SMYD3: variants seen among roughly 807,000 people sequenced by gnomAD.
SMYD3 encodes histone-lysine N-methyltransferase SMYD3.
Under a neutral mutation model 57.7 loss-of-function variants are expected in SMYD3, and 36 were observed. The observed-to-expected ratio is 0.62, with a 90% CI of 0.48 to 0.82. The LOEUF (loss-of-function observed/expected upper bound fraction) is 0.82, where lower values mean the gene tolerates loss of function less well. SMYD3 is among the 40% of genes least tolerant of loss of function. The pLI is 0.00. For synonymous variants in SMYD3, 211 were observed against 195.0 expected, an observed-to-expected ratio of 1.08 and a Z score of -0.68; for missense variants, 515 against 538.8, an observed-to-expected ratio of 0.96 and a Z score of 0.44.
chr1:245,841,665 AT>A (rs1478154594), intron 10 of SMYD3, among the ~76,000 whole-genome samples: 5 of 152,248 alleles, frequency 3.3e-5, no homozygotes, highest in African/African-American at 1.2e-4. Context: ...ATATAAAAAA[AT>A]AAAATGTAGT....
chr1:245,948,749 G>A (rs1572765835), intron 5 of SMYD3, among the ~76,000 whole-genome samples: 2 of 152,160 alleles, frequency 1.3e-5, no homozygotes, highest in African/African-American at 2.4e-5. Context: ...CAAGCCACTA[G>A]CAGTGACCCT....
chr1:245,830,012 TAAA>T (rs1558397293), intron 10 of SMYD3, among the ~76,000 whole-genome samples: 1 of 152,104 alleles, frequency 6.6e-6, no homozygotes, highest in Non-Finnish European at 1.5e-5. Flanking sequence ...TTGGGGGTGA[TAAA>T]AATGTTCTAA....
intron 8 of SMYD3, among the ~76,000 whole-genome samples, chr1:245,886,786 G>T (rs1291797718): frequency 6.6e-6 from 1 of 152,032 alleles, no homozygotes; most frequent in South Asian, 2.1e-4. Context: ...ACACACTCAC[G>T]TTTTTCTGGC....
chr1:245,867,678 ACACACACACACT>A (rs2051952779), intron 8 of SMYD3, among the ~76,000 whole-genome samples: 1 of 151,662 alleles, frequency 6.6e-6, no homozygotes, highest in African/African-American at 2.4e-5. Flanking sequence ...GCACACACAC[ACACACACACACT>A]CACACACACA....
chr1:245,783,179 C>T (rs1360065565), intron 10 of SMYD3, among the ~76,000 whole-genome samples: 2 of 152,046 alleles, frequency 1.3e-5, no homozygotes, highest in South Asian at 2.1e-4. Context: ...TCATACATAA[C>T]GTGATAAGAG....
chr1:246,048,970 G>A (rs190317192), intron 5 of SMYD3, among the ~76,000 whole-genome samples: 3 of 152,264 alleles, frequency 2.0e-5, no homozygotes, highest in East Asian at 1.9e-4. Context: ...TTAAGGAAGC[G>A]AGACTGGGTT....
intron 5 of SMYD3, among the ~76,000 whole-genome samples, chr1:246,094,166 G>C (rs2147901189): frequency 6.6e-6 from 1 of 152,246 alleles, no homozygotes; most frequent in East Asian, 1.9e-4. Context: ...TGCAGTGTTT[G>C]TGATATTCAT....
intron 5 of SMYD3, among the ~76,000 whole-genome samples, chr1:246,147,716 G>C (rs2061873709): frequency 6.6e-6 from 1 of 151,738 alleles, no homozygotes; most frequent in Admixed American, 6.5e-5. Context: ...GCCGGGAGCA[G>C]ACAGGATCTG....
chr1:246,441,626 C>T (rs1229282750), intron 1 of SMYD3, among the ~76,000 whole-genome samples: 1 of 152,062 alleles, frequency 6.6e-6, no homozygotes, highest in African/African-American at 2.4e-5. Context: ...GTTTTTTCCC[C>T]CTTGAGATAG....
At chr1:246,455,975 T>A (rs1024545396) in intron 1 of SMYD3, among the ~76,000 whole-genome samples, 15 of 152,342 alleles carry the variant, frequency 9.8e-5, no homozygotes, top group African/African-American at 3.6e-4. Context: ...TGATAGCTGA[T>A]ATCCACTCTG....
chr1:246,418,392 G>A (rs1168140070), intron 1 of SMYD3, among the ~76,000 whole-genome samples: 1 of 152,190 alleles, frequency 6.6e-6, no homozygotes, highest in East Asian at 1.9e-4. Flanking sequence ...AGATGGGCAC[G>A]TTGTGGGGCT....
intron 8 of SMYD3, among the ~76,000 whole-genome samples, chr1:245,879,670 A>T (rs1231028982): frequency 6.6e-6 from 1 of 152,226 alleles, no homozygotes; most frequent in Non-Finnish European, 1.5e-5. Flanking sequence ...TTCCAGCTGA[A>T]CTATATTCCA....
intron 1 of SMYD3, among the ~76,000 whole-genome samples, chr1:246,385,357 G>C (rs1470460813): frequency 6.6e-6 from 1 of 151,982 alleles, no homozygotes; most frequent in African/African-American, 2.4e-5. Context: ...CATTTCCTAA[G>C]TATTTCAATT....
At chr1:245,940,138 C>T (rs892087758) in intron 5 of SMYD3, among the ~76,000 whole-genome samples, 4 of 152,266 alleles carry the variant, frequency 2.6e-5, no homozygotes, top group East Asian at 1.9e-4. Context: ...CTGATCTCCC[C>T]GGGACACAGC....
chr1:246,049,285 GT>G (rs1258144805), intron 5 of SMYD3, among the ~76,000 whole-genome samples: 2 of 151,592 alleles, frequency 1.3e-5, no homozygotes, highest in African/African-American at 4.8e-5. Context: ...TATACTATGT[GT>G]TTTTTTTGTT....
At chr1:246,141,475 ATG>A (rs1491051873) in intron 5 of SMYD3, among the ~76,000 whole-genome samples, 58 of 45,098 alleles carry the variant, frequency 1.3e-3, no homozygotes, top group Non-Finnish European at 3.4e-3. Flanking sequence ...ACCTTGACAG[ATG>A]GTGCATTCCT....
At chr1:245,826,114 A>G (rs544614459) in intron 10 of SMYD3, among the ~76,000 whole-genome samples, 2 of 151,116 alleles carry the variant, frequency 1.3e-5, no homozygotes, top group African/African-American at 4.9e-5. Flanking sequence ...GTTCAGTACT[A>G]TTAAGTATAT....
intron 5 of SMYD3, among the ~76,000 whole-genome samples, chr1:246,034,970 T>C (rs748378526): frequency 6.6e-6 from 1 of 152,086 alleles, no homozygotes; most frequent in Non-Finnish European, 1.5e-5. Flanking sequence ...TCCCCCAATA[T>C]ATGCAGACAG....
At chr1:246,228,055 C>T (rs1018419350) in intron 5 of SMYD3, among the ~76,000 whole-genome samples, 7 of 150,904 alleles carry the variant, frequency 4.6e-5, no homozygotes, top group Middle Eastern at 6.8e-3. Context: ...CTGCAACCTC[C>T]GCCTCCCGGG....
Sources: gnomAD v4.1 joint callset for allele counts (sites outside exome capture counted in the v4.1 genomes callset) on GRCh38, gnomAD v4.1.1 for gene constraint, MANE v1.5 for transcripts, NCBI Gene and HGNC (gene_info 2026-07-23, HGNC 2026-07-21) for gene names.